The following ARHGAP1 variants were observed in gnomAD, a reference collection of about 807,000 sequenced individuals.
ARHGAP1 encodes the protein rho GTPase-activating protein 1.
ARHGAP1 carries 23 observed loss-of-function variants against 52.2 expected under a neutral mutation model. That is an observed-to-expected ratio of 0.44 (90% confidence interval 0.32 to 0.62). ARHGAP1 has a LOEUF of 0.62. Among genes scored for constraint, ARHGAP1 ranks in the 20% least tolerant of loss-of-function variants. ARHGAP1 has a pLI of 0.05. For synonymous variants in ARHGAP1, 210 were observed against 228.4 expected (o/e 0.92, Z 0.73); for missense variants, 480 against 560.9 (o/e 0.86, Z 1.46).
intron 1 of ARHGAP1, among the ~76,000 whole-genome samples, chr11:46,698,533 A>G (rs2064674789): frequency 6.6e-6 from 1 of 150,920 alleles, no homozygotes; most frequent in African/African-American, 2.4e-5. Flanking sequence ...ACTTGAACCC[A>G]GGGGGTGGAG....
At chr11:46,694,041 C>T (rs1353291211) in intron 3 of ARHGAP1, among the ~76,000 whole-genome samples, 16 of 152,150 alleles carry the variant, frequency 1.1e-4, no homozygotes, top group African/African-American at 3.9e-4. Context: ...AAGGGCTTCT[C>T]CCGGACATCT....
intron 1 of ARHGAP1, among the ~76,000 whole-genome samples, chr11:46,698,950 C>T (rs2064677617): frequency 6.6e-6 from 1 of 152,164 alleles, no homozygotes; most frequent in Non-Finnish European, 1.5e-5. Context: ...AATGAAGTAT[C>T]CTGCCTGTTT....
chr11:46,696,109 G>A lies in ARHGAP1; in HGVS notation c.-2C>T. 1 of 1,591,744 alleles carries A rather than the reference G, an allele frequency of 6.3e-7. No homozygotes were observed. Among genetic ancestry groups the A allele is most frequent in the Non-Finnish European group, 8.6e-7 (1 of 1,169,380 alleles). ...CTGCAGCTCTGAGAGCGGATCCATG[G>A]CCAAGCCTGTCCCAGACAGCCTTGC... On this transcript the variant is annotated 5_prime_UTR_variant, in exon 2 of 13. Transcript: ENST00000311956. This position sits in a 1 kb window ranked among gnomAD's most constrained non-coding sequence, Gnocchi z 4.8.
At chr11:46,695,858 C>T (rs2064649066) in intron 2 of ARHGAP1, 103 bp from the exon 3 acceptor site, 3 of 1,595,764 alleles carry the variant, frequency 1.9e-6, no homozygotes, top group Non-Finnish European at 2.6e-6. Flanking sequence ...CCCATGCTCC[C>T]AGCCCAAACC....
chr11:46,693,407 C>CTTTT (rs11418068), intron 3 of ARHGAP1, among the ~76,000 whole-genome samples: 5 of 145,606 alleles, frequency 3.4e-5, no homozygotes, highest in African/African-American at 2.5e-5. Flanking sequence ...AGACTGTAAT[C>CTTTT]TTTTTTTTTT....
At position 46,680,791 on chromosome 11, in the gene ARHGAP1, G is replaced by A; in HGVS notation, c.636-44C>T. The A allele has an allele frequency of 7.1e-7, 1 of 1,404,052 alleles. No individual in the cohort carries two copies. The highest frequency in any genetic ancestry group is 9.6e-7 in the Non-Finnish European group (1 of 1,037,082). The allele number at this position is 1,404,052 out of a possible 1,614,324, so 87.0% of individuals were successfully genotyped here. On this transcript the variant is annotated intron_variant, in intron 7 of 12. Transcript: ENST00000311956. The surrounding 1 kb of genome is among the most constrained non-coding windows in gnomAD (Gnocchi z 5.9). ...GTGGGTCAGGTCCTGCCTGGCTCTG[G>A]AGTCACTCTGCCAATTCAATCAAGC...
chr11:46,699,294 A>G (rs996671552), intron 1 of ARHGAP1, among the ~76,000 whole-genome samples: 1 of 152,206 alleles, frequency 6.6e-6, no homozygotes, highest in Non-Finnish European at 1.5e-5. Flanking sequence ...TCTCCTAAGT[A>G]AAGAAGGGAA....
Position 46,696,133 on chromosome 11 carries a change from GC to G in ARHGAP1, c.-27del, listed in dbSNP as rs1421762500. 4.5e-6 allele frequency: 7 copies of G among 1,571,456 alleles called. No homozygotes were observed. The East Asian group carries it at 1.6e-4, about 37-fold the overall frequency. On this transcript the variant is annotated 5_prime_UTR_variant, in exon 2 of 13. Transcript: ENST00000311956. The surrounding 1 kb of genome is among the most constrained non-coding windows in gnomAD (Gnocchi z 4.8). ...GGCCAAGCCTGTCCCAGACAGCCTT[GC>G]CCTGCAGAACCTTAAGAGAAACCTG...
intron 4 of ARHGAP1, among the ~76,000 whole-genome samples, chr11:46,683,036 G>GC (rs1232161945): frequency 2.1e-5 from 2 of 94,406 alleles, no homozygotes; most frequent in South Asian, 4.3e-4. Context: ...ACCAAAGCCT[G>GC]CTTTTTTTTT....
At position 46,679,411 on chromosome 11, in the gene ARHGAP1, T is replaced by C. The variant is rs936701614; in HGVS notation, c.1085A>G (p.Glu362Gly). The C allele has an allele frequency of 1.9e-6, 3 of 1,614,126 alleles. No homozygotes were observed. In the Admixed American group the frequency reaches 5.0e-5, roughly 27 times the overall value. Residue 362 changes from glutamate to glycine, a missense_variant, in exon 12 of 13, where the codon GAG becomes GGG. Transcript: ENST00000311956. The surrounding 1 kb of genome is among the most constrained non-coding windows in gnomAD (Gnocchi z 4.4). Reference sequence around the variant, plus strand: ...GAAACGAAGCACCTGGTAGTTCTCCTCGGGCAGCGTCTGGAGGACCTGCAG... The same window carrying C: ...GAAACGAAGCACCTGGTAGTTCTCCCCGGGCAGCGTCTGGAGGACCTGCAG... ...ATLQVLQTLP[E>G]ENYQVLRFLT...
chr11:46,689,574 T>C (rs1385392147), intron 3 of ARHGAP1, among the ~76,000 whole-genome samples: 1 of 152,180 alleles, frequency 6.6e-6, no homozygotes, highest in Non-Finnish European at 1.5e-5. Flanking sequence ...GGAGTCTCAC[T>C]CTGTCACCCA....
chr11:46,682,279 C>A, intron 4 of ARHGAP1, 97 bp from the exon 5 acceptor site: 1 of 1,512,070 alleles, frequency 6.6e-7, no homozygotes, highest in Non-Finnish European at 9.0e-7. Flanking sequence ...ACGTCACAGC[C>A]CCTTCCCCAC....
chr11:46,693,178 A>C (rs1169528422), intron 3 of ARHGAP1, among the ~76,000 whole-genome samples: 1 of 151,876 alleles, frequency 6.6e-6, no homozygotes, highest in African/African-American at 2.4e-5. Flanking sequence ...TTGTATTTTT[A>C]GTAGAGACGG....
chr11:46,688,374 A>C, intron 3 of ARHGAP1, 114 bp from the exon 4 acceptor site: 1 of 1,077,744 alleles, frequency 9.3e-7, no homozygotes, highest in Non-Finnish European at 1.4e-6. Context: ...CAGGGGCCAG[A>C]GTGCCCATGC....
intron 4 of ARHGAP1, among the ~76,000 whole-genome samples, chr11:46,682,793 C>T (rs564445943): frequency 6.6e-5 from 10 of 152,326 alleles, no homozygotes; most frequent in Non-Finnish European, 1.0e-4. Context: ...AGGGGAATGA[C>T]GTTTCCCCTG....
chr11:46,680,829 G>C lies in ARHGAP1; in HGVS notation c.636-82C>G, dbSNP rs1243104935. 2 of 1,147,242 alleles carry C rather than the reference G, an allele frequency of 1.7e-6. No individual in the cohort carries two copies. Among genetic ancestry groups the C allele is most frequent in the Non-Finnish European group, 2.5e-6 (2 of 810,642 alleles). The allele number at this position is 1,147,242 out of a possible 1,614,324, so 71.1% of individuals were successfully genotyped here. A position where few individuals can be genotyped will look rare whatever the true frequency, so the allele number is the denominator to read the frequency against. On this transcript the variant is annotated intron_variant, in intron 7 of 12. Transcript: ENST00000311956. The surrounding 1 kb of genome is among the most constrained non-coding windows in gnomAD (Gnocchi z 5.9). ...AATTCAATCAAGCATTGACCACGCG[G>C]GGTCAGGAGGATCATCTCATGCGAT...
intron 1 of ARHGAP1, chr11:46,697,007 A>G (rs1162303395): frequency 6.6e-6 from 1 of 152,282 alleles, no homozygotes; most frequent in Non-Finnish European, 1.5e-5. Flanking sequence ...AGGGGCGTCC[A>G]AGCCCACTCT....
intron 3 of ARHGAP1, among the ~76,000 whole-genome samples, chr11:46,693,727 G>C (rs1218902459): frequency 6.6e-6 from 1 of 152,170 alleles, no homozygotes; most frequent in African/African-American, 2.4e-5. Flanking sequence ...CAGCAGGCCT[G>C]GGACCTGGGA....
chr11:46,695,939 GC>G (rs773153163), intron 2 of ARHGAP1, 35 bp downstream of exon 2: 1 of 1,613,902 alleles, frequency 6.2e-7, no homozygotes, highest in Admixed American at 1.7e-5. Context: ...CCCCTCTAAA[GC>G]GCCTGTAGCT....
Sources: allele counts gnomAD v4.1 joint callset (sites outside exome capture counted in the v4.1 genomes callset), GRCh38; gene constraint gnomAD v4.1.1; non-coding constraint Gnocchi (gnomAD v3.1); transcripts MANE v1.5; gene names NCBI Gene and HGNC (gene_info 2026-07-23, HGNC 2026-07-21).